Variants in FBXL20 observed in about 807,000 individuals in gnomAD.
The protein encoded by FBXL20 is F-box and leucine rich repeat protein 20.
Under a neutral mutation model 64.0 loss-of-function variants are expected in FBXL20, and 11 were observed. That is an observed-to-expected ratio of 0.17 (90% CI 0.11 to 0.28). The LOEUF is 0.28. Ranked by LOEUF, FBXL20 falls within the 10% of genes least tolerant of loss-of-function variation. The pLI is 1.00. For missense variants in FBXL20, 303 were observed against 526.2 expected (o/e 0.58, Z 4.15); for synonymous variants, 184 against 189.0 (o/e 0.97, Z 0.22).
At chr17:39,277,270 A>G (rs1252702456) in intron 9 of FBXL20, among the ~76,000 whole-genome samples, 1 of 152,238 alleles carries the variant, frequency 6.6e-6, no homozygotes, top group Non-Finnish European at 1.5e-5. Flanking sequence ...AACATGATGT[A>G]TTGTCTTTAG....
At chr17:39,331,613 G>C (rs971933823) in intron 2 of FBXL20, among the ~76,000 whole-genome samples, 2 of 152,162 alleles carry the variant, frequency 1.3e-5, no homozygotes, top group Admixed American at 1.3e-4. Context: ...GCTCCTTGAG[G>C]ACAGTGATTG....
chr17:39,319,301 A>C (rs2047327415), intron 2 of FBXL20, among the ~76,000 whole-genome samples: 1 of 152,114 alleles, frequency 6.6e-6, no homozygotes, highest in African/African-American at 2.4e-5. Context: ...TTAATGTTTA[A>C]GGATAGTTTT....
rs149866434 is a variant in FBXL20, at chr17:39,289,985, C to A, written c.399-4412G>T. Among the ~76,000 whole-genome samples the A allele has an allele frequency of 8.9e-4, 97 of 109,526 alleles. 2 individuals carry two copies. Among genetic ancestry groups the A allele is most frequent in the African/African-American group, 3.5e-3 (93 of 26,632 alleles). 71.9% of individuals were successfully genotyped at this position (109,526 alleles called of 152,430 possible). ...CTGCACTCCAGCCTGGGCAATAGTG[C>A]GAGACTCAGTCTCAAAAAAAAAAAA... On this transcript the variant is annotated intron_variant, in intron 6 of 14. Coordinates refer to ENST00000264658, the MANE Select transcript of FBXL20 (RefSeq NM_032875.3).
At chr17:39,277,520 G>A (rs1380102945) in intron 9 of FBXL20, among the ~76,000 whole-genome samples, 1 of 152,072 alleles carries the variant, frequency 6.6e-6, no homozygotes, top group Non-Finnish European at 1.5e-5. Context: ...ACTTTAGAAG[G>A]CTGAGGTGGG....
At chr17:39,383,032 G>A (rs1034806733) in intron 1 of FBXL20, among the ~76,000 whole-genome samples, 3 of 150,844 alleles carry the variant, frequency 2.0e-5, no homozygotes, top group Admixed American at 6.6e-5. Context: ...GCATGGTGGC[G>A]TGCACCTGTA....
At chr17:39,363,834 C>CAAAAAAAAAAAAAA (rs113673962) in intron 1 of FBXL20, among the ~76,000 whole-genome samples, 2 of 59,410 alleles carry the variant, frequency 3.4e-5, no homozygotes, top group African/African-American at 7.8e-5. Context: ...AAACAAAAAA[C>CAAAAAAAAAAAAAA]AAAAAAAAAA....
intron 1 of FBXL20, among the ~76,000 whole-genome samples, chr17:39,365,893 C>T (rs929627467): frequency 2.6e-5 from 4 of 152,114 alleles, no homozygotes; most frequent in African/African-American, 7.2e-5. Context: ...ATTTCATGTC[C>T]ACCTCTCCTC....
chr17:39,355,681 C>A (rs1283931763), intron 1 of FBXL20, among the ~76,000 whole-genome samples: 1 of 151,160 alleles, frequency 6.6e-6, no homozygotes, highest in Non-Finnish European at 1.5e-5. Context: ...ATGGTGAAAC[C>A]CCGTCTCTAC....
At chr17:39,311,243 A>G (rs2047233314) in intron 2 of FBXL20, among the ~76,000 whole-genome samples, 1 of 152,184 alleles carries the variant, frequency 6.6e-6, no homozygotes, top group Non-Finnish European at 1.5e-5. Context: ...TCTTTTGCTC[A>G]GTAACAAAAC....
At chr17:39,280,773 T>C (rs1380566867) in intron 9 of FBXL20, among the ~76,000 whole-genome samples, 1 of 152,062 alleles carries the variant, frequency 6.6e-6, no homozygotes, top group African/African-American at 2.4e-5. Flanking sequence ...ATCATCTTAT[T>C]TATTTTTTTG....
intron 13 of FBXL20, among the ~76,000 whole-genome samples, chr17:39,264,728 AT>A (rs2046777061): frequency 6.6e-6 from 1 of 152,196 alleles, no homozygotes; most frequent in South Asian, 2.1e-4. Context: ...CAAGCTTTTC[AT>A]GCAGTTTTCT....
At chr17:39,319,665 C>G (rs1306258780) in intron 2 of FBXL20, among the ~76,000 whole-genome samples, 1 of 100,740 alleles carries the variant, frequency 9.9e-6, no homozygotes, top group African/African-American at 4.2e-5. Context: ...CACAGCAAGA[C>G]TCCATATCAA....
At chr17:39,275,549 C>T (rs914560387) in intron 9 of FBXL20, among the ~76,000 whole-genome samples, 17 of 151,870 alleles carry the variant, frequency 1.1e-4, no homozygotes, top group African/African-American at 3.9e-4. Flanking sequence ...CTAGCTGGGA[C>T]TACAAGTGCA....
chr17:39,387,832 T>A (rs2048097343), intron 1 of FBXL20, among the ~76,000 whole-genome samples: 1 of 151,246 alleles, frequency 6.6e-6, no homozygotes, highest in Admixed American at 6.6e-5. Context: ...CCCACCTTGG[T>A]CTCGCAAAGT....
At chr17:39,329,835 G>A (rs956265817) in intron 2 of FBXL20, among the ~76,000 whole-genome samples, 12 of 151,636 alleles carry the variant, frequency 7.9e-5, no homozygotes, top group African/African-American at 2.4e-4. Flanking sequence ...TTGTTTCTAC[G>A]AAAAAAAATT....
chr17:39,331,968 A>C (rs1476342596), intron 2 of FBXL20, among the ~76,000 whole-genome samples: 1 of 152,260 alleles, frequency 6.6e-6, no homozygotes, highest in Admixed American at 6.5e-5. Context: ...CTATGAGTAA[A>C]AAGTAGAACC....
At chr17:39,339,329 G>A (rs748747944) in intron 2 of FBXL20, among the ~76,000 whole-genome samples, 1 of 152,154 alleles carries the variant, frequency 6.6e-6, no homozygotes, top group Non-Finnish European at 1.5e-5. Context: ...TTAGGCAGGT[G>A]TGGTGGCATG....
At chr17:39,334,179 C>T (rs997151581) in intron 2 of FBXL20, among the ~76,000 whole-genome samples, 10 of 152,032 alleles carry the variant, frequency 6.6e-5, no homozygotes, top group Non-Finnish European at 1.0e-4. Flanking sequence ...CCCCCAACCC[C>T]GTGCTCTCTG....
At chr17:39,395,981 C>T (rs2048178746) in intron 1 of FBXL20, among the ~76,000 whole-genome samples, 1 of 141,962 alleles carries the variant, frequency 7.0e-6, no homozygotes, top group Admixed American at 7.4e-5. Flanking sequence ...GGCAGAACCA[C>T]AGTCATTCAA....
Sources: gnomAD v4.1 joint callset for allele counts (sites outside exome capture counted in the v4.1 genomes callset) on GRCh38, gnomAD v4.1.1 for gene constraint, MANE v1.5 for transcripts, NCBI Gene and HGNC (gene_info 2026-07-23, HGNC 2026-07-21) for gene names.